The following TMEM135 variants were observed in gnomAD, a reference collection of about 807,000 sequenced individuals.
The protein encoded by TMEM135 is peroxisomal membrane protein 52.
TMEM135 carries 30 observed loss-of-function variants against 60.3 expected under a neutral mutation model. That is an observed-to-expected ratio of 0.50 (90% CI 0.37 to 0.68). TMEM135 has a LOEUF of 0.68. Among genes scored for constraint, TMEM135 ranks in the 30% least tolerant of loss-of-function variants. The probability of loss-of-function intolerance (pLI) is 0.00; values close to 1 mark genes in which losing one functional copy is unlikely to be tolerated. For synonymous variants in TMEM135, 190 were observed against 186.7 expected (o/e 1.02, Z -0.14); for missense variants, 468 against 548.8 (o/e 0.85, Z 1.47).
At chr11:87,079,862 G>C (rs1342465688) in intron 3 of TMEM135, among the ~76,000 whole-genome samples, 1 of 119,538 alleles carries the variant, frequency 8.4e-6, no homozygotes, top group Admixed American at 1.0e-4. Context: ...TTTTTTTTGA[G>C]ACGGAGCCTC....
At position 87,045,758 on chromosome 11, in the gene TMEM135, T is replaced by C. The variant is rs1032883199; in HGVS notation, c.141+7572T>C. ...TTGAACTTTTGACTCTTAAAAACTT[T>C]CTTTTCATTATTTGCCAATAAATAT... On this transcript the variant is annotated intron_variant, in intron 1 of 14. Coordinates refer to ENST00000305494, the MANE Select transcript of TMEM135 (RefSeq NM_022918.4). Among the ~76,000 whole-genome samples, 13 of 152,356 alleles carry C rather than the reference T, an allele frequency of 8.5e-5. No homozygotes were observed. In the East Asian group the frequency reaches 2.5e-3, roughly 29 times the overall value.
At chr11:87,189,980 G>T (rs1290380174) in intron 5 of TMEM135, among the ~76,000 whole-genome samples, 2 of 152,038 alleles carry the variant, frequency 1.3e-5, no homozygotes, top group African/African-American at 2.4e-5. Flanking sequence ...AAATCATTTG[G>T]AAAGGCCAAA....
In TMEM135 at chr11:87,111,613, T is replaced by G. The variant is rs1416219464; in HGVS notation, c.396+20218T>G. 4.3e-5 allele frequency among the ~76,000 whole-genome samples: 6 copies of G among 140,848 alleles called. No individual in the cohort carries two copies. In the East Asian group the frequency reaches 1.2e-3, roughly 29 times the overall value. The allele number at this position is 140,848 out of a possible 152,430, so 92.4% of individuals were successfully genotyped here. On this transcript the variant is annotated intron_variant, in intron 4 of 14. Transcript: ENST00000305494. ...TTGCAGTGAGCTGAGATCGCACCAC[T>G]GCACTCCAGCCTGGGCGACTGAGCA... is the stretch of plus-strand genomic sequence containing the variant.
chr11:87,049,941 AAGAAC>A (rs1949826916), intron 1 of TMEM135, among the ~76,000 whole-genome samples: 1 of 87,498 alleles, frequency 1.1e-5, no homozygotes. Flanking sequence ...GCAAATGTAA[AAGAAC>A]AGAAATTATA....
At chr11:87,105,004 A>G (rs1484605582) in intron 4 of TMEM135, among the ~76,000 whole-genome samples, 2 of 152,196 alleles carry the variant, frequency 1.3e-5, no homozygotes, top group African/African-American at 4.8e-5. Context: ...TCCTCATCTT[A>G]GAGACTGCTT....
At chr11:87,107,205 A>G (rs111470274) in intron 4 of TMEM135, among the ~76,000 whole-genome samples, 2,282 of 152,256 alleles carry the variant, frequency 0.015, 58 homozygotes, top group African/African-American at 0.052. Flanking sequence ...GGTAGGTTGT[A>G]TGTGTCTAAT....
intron 6 of TMEM135, among the ~76,000 whole-genome samples, chr11:87,245,954 C>G (rs1404893818): frequency 8.3e-6 from 1 of 119,868 alleles, no homozygotes; most frequent in African/African-American, 3.2e-5. Context: ...CCTCAATGGT[C>G]TTTACAATTT....
intron 4 of TMEM135, among the ~76,000 whole-genome samples, chr11:87,115,886 C>G (rs1420294055): frequency 6.6e-6 from 1 of 151,864 alleles, no homozygotes; most frequent in African/African-American, 2.4e-5. Flanking sequence ...GTAGCATAGT[C>G]TTAGATATTT....
intron 6 of TMEM135, among the ~76,000 whole-genome samples, chr11:87,266,087 T>C (rs138563097): frequency 1.6e-3 from 242 of 152,308 alleles, no homozygotes; most frequent in African/African-American, 4.4e-3. Context: ...TTATATATTA[T>C]TGGACATTGC....
intron 6 of TMEM135, among the ~76,000 whole-genome samples, chr11:87,247,524 A>G (rs61906771): frequency 5.9e-5 from 9 of 152,194 alleles, no homozygotes; most frequent in Non-Finnish European, 8.8e-5. Flanking sequence ...CGAGCTTCCC[A>G]GCTGCTTTGT....
intron 6 of TMEM135, among the ~76,000 whole-genome samples, chr11:87,284,615 C>A (rs694255): frequency 0.15 from 22,966 of 152,152 alleles, 2,237 homozygotes; most frequent in African/African-American, 0.27. Flanking sequence ...AGCCAAGTAT[C>A]AGTGTTCCAT....
intron 5 of TMEM135, among the ~76,000 whole-genome samples, chr11:87,170,279 T>G (rs1162833454): frequency 2.0e-5 from 3 of 152,160 alleles, no homozygotes; most frequent in Admixed American, 2.0e-4. Context: ...TTCTGAAGCC[T>G]ATTTCTGTCA....
intron 1 of TMEM135, among the ~76,000 whole-genome samples, chr11:87,067,201 G>A: frequency 6.9e-6 from 1 of 143,960 alleles, no homozygotes; most frequent in South Asian, 2.2e-4. Flanking sequence ...TATATATATA[G>A]TAATATACTA....
At chr11:87,054,414 C>T (rs575334878) in intron 1 of TMEM135, among the ~76,000 whole-genome samples, 2 of 151,674 alleles carry the variant, frequency 1.3e-5, no homozygotes, top group African/African-American at 4.8e-5. Context: ...AGCCTGGCAA[C>T]AGAGTGAGAC....
At chr11:87,248,106 G>C (rs899976925) in intron 6 of TMEM135, among the ~76,000 whole-genome samples, 1 of 152,092 alleles carries the variant, frequency 6.6e-6, no homozygotes, top group Non-Finnish European at 1.5e-5. Context: ...TGTGTTGATG[G>C]GAACTTATAT....
intron 1 of TMEM135, among the ~76,000 whole-genome samples, chr11:87,061,521 CTATT>C (rs1160898357): frequency 6.6e-6 from 1 of 152,162 alleles, no homozygotes; most frequent in African/African-American, 2.4e-5. Context: ...TATTTGCAAA[CTATT>C]TAATTTTCCA....
At chr11:87,065,716 T>C (rs1856638458) in intron 1 of TMEM135, among the ~76,000 whole-genome samples, 1 of 152,246 alleles carries the variant, frequency 6.6e-6, no homozygotes, top group South Asian at 2.1e-4. Context: ...GTGCTTTTGA[T>C]GTCAAGTCTA....
chr11:87,262,207 G>A (rs36024012), intron 6 of TMEM135, among the ~76,000 whole-genome samples: 53,702 of 151,888 alleles, frequency 0.35, 10,050 homozygotes, highest in Non-Finnish European at 0.42. Flanking sequence ...TCCTGTTCCA[G>A]TATTTCTAAA....
intron 13 of TMEM135, 52 bp from the exon 14 acceptor site, chr11:87,319,258 C>T: frequency 1.4e-6 from 2 of 1,419,174 alleles, no homozygotes; most frequent in Middle Eastern, 1.8e-4. Context: ...TATTTCATCA[C>T]TTTCAGTTTT....
Sources: gnomAD v4.1 joint callset for allele counts (sites outside exome capture counted in the v4.1 genomes callset) on GRCh38, gnomAD v4.1.1 for gene constraint, MANE v1.5 for transcripts, NCBI Gene and HGNC (gene_info 2026-07-23, HGNC 2026-07-21) for gene names.